Variants in CTNNA2 observed in about 807,000 individuals in gnomAD.
CTNNA2 encodes catenin alpha 2, also known as catenin alpha-2.
CTNNA2 carries 42 observed loss-of-function variants against 101.0 expected under a neutral mutation model. That is an observed-to-expected ratio of 0.42 (90% CI 0.32 to 0.54). The LOEUF (loss-of-function observed/expected upper bound fraction) is 0.54. Ranked by LOEUF, CTNNA2 falls within the 20% of genes least tolerant of loss-of-function variation. The pLI, the probability that CTNNA2 is intolerant of heterozygous loss-of-function variation, is 0.14. For missense variants in CTNNA2, 871 were observed against 1,223.1 expected (o/e 0.71, Z 4.29); for synonymous variants, 450 against 456.4 (o/e 0.99, Z 0.18).
chr2:80,262,990 G>C (rs949369876), intron 7 of CTNNA2, among the ~76,000 whole-genome samples: 8 of 151,798 alleles, frequency 5.3e-5, no homozygotes, highest in Non-Finnish European at 7.4e-5. Flanking sequence ...AAATTCTAAC[G>C]TGCCAGAACG....
rs10201508 is a variant in CTNNA2 at position 79,467,162 on chromosome 2, C to T, written c.-134-37892C>T. Reference sequence around the variant, plus strand: ...TAGATGAATGGCTAACTAGAATAACCAATGTAGAGAAGTCCTTAAAAGACC... The same window carrying T: ...TAGATGAATGGCTAACTAGAATAACTAATGTAGAGAAGTCCTTAAAAGACC... On this transcript the variant is annotated intron_variant, in intron 4 of 21. Transcript: ENST00000466387. Among the ~76,000 whole-genome samples, 166 of 152,212 alleles carry T rather than the reference C, an allele frequency of 1.1e-3. 2 individuals are homozygous for T. The highest frequency in any genetic ancestry group is 3.7e-3 in the African/African-American group (152 of 41,512).
chr2:79,724,597 G>T (rs1308617656), intron 2 of CTNNA2, among the ~76,000 whole-genome samples: 1 of 151,868 alleles, frequency 6.6e-6, no homozygotes. Context: ...GGTCGCATCA[G>T]GAGGTCAGGA....
chr2:79,823,318 G>A (rs1376668383), intron 3 of CTNNA2, among the ~76,000 whole-genome samples: 1 of 152,126 alleles, frequency 6.6e-6, no homozygotes, highest in Non-Finnish European at 1.5e-5. Flanking sequence ...ATGATAAAAA[G>A]GCTTTAGATT....
At chr2:79,519,097 C>T (rs576145282) in intron 1 of CTNNA2, among the ~76,000 whole-genome samples, 23 of 151,864 alleles carry the variant, frequency 1.5e-4, no homozygotes, top group Admixed American at 1.1e-3. Context: ...GGCATGGTGA[C>T]GGGCGACTGT....
intron 11 of CTNNA2, among the ~76,000 whole-genome samples, chr2:80,547,185 G>T (rs149120659): frequency 1.3e-5 from 2 of 152,160 alleles, no homozygotes; most frequent in African/African-American, 4.8e-5. Flanking sequence ...GAACTGTGTA[G>T]TCAAATCTGT....
At chr2:79,788,185 T>C (rs1294112736) in intron 3 of CTNNA2, among the ~76,000 whole-genome samples, 1 of 152,112 alleles carries the variant, frequency 6.6e-6, no homozygotes, top group Non-Finnish European at 1.5e-5. Context: ...TCCAAGCAGG[T>C]GAAGAACCTG....
At chr2:80,579,686 G>A (rs779159022) in intron 13 of CTNNA2, among the ~76,000 whole-genome samples, 5 of 152,206 alleles carry the variant, frequency 3.3e-5, no homozygotes, top group Admixed American at 6.5e-5. Flanking sequence ...TAATAAGGTT[G>A]ATGGTGAGAG....
At chr2:79,723,990 T>C (rs140923486) in intron 2 of CTNNA2, among the ~76,000 whole-genome samples, 46 of 152,268 alleles carry the variant, frequency 3.0e-4, no homozygotes, top group South Asian at 1.5e-3. Flanking sequence ...CTCTGACTCA[T>C]CATGACTTCA....
chr2:79,414,437 GCTCATACACACC>G (rs1553409830), intron 4 of CTNNA2, among the ~76,000 whole-genome samples: 1 of 151,818 alleles, frequency 6.6e-6, no homozygotes, highest in Non-Finnish European at 1.5e-5. Context: ...GTTATCAAAC[GCTCATACACACC>G]CTCACAAATA....
At chr2:80,640,539 C>T (rs1424949543) in intron 18 of CTNNA2, among the ~76,000 whole-genome samples, 3 of 152,100 alleles carry the variant, frequency 2.0e-5, no homozygotes, top group African/African-American at 7.2e-5. Context: ...TATTTATTAC[C>T]CTGGACTTTC....
intron 7 of CTNNA2, among the ~76,000 whole-genome samples, chr2:80,317,739 G>A (rs1678268558): frequency 1.3e-5 from 2 of 152,072 alleles, no homozygotes; most frequent in African/African-American, 2.4e-5. Flanking sequence ...GTATGTGGGA[G>A]TCTGGCTTCA....
chr2:79,278,065 G>T lies in CTNNA2; in HGVS notation c.-405-34644G>T, dbSNP rs567185851. On this transcript the variant is annotated intron_variant, in intron 2 of 21. Coordinates refer to the CTNNA2 transcript ENST00000466387. ...TTAAGGGTGGTGGAGGATGAAGGAAGGTAATTTTATAGAAGAAGTCTAGAA... is the reference window on the plus strand; with the variant it reads ...TTAAGGGTGGTGGAGGATGAAGGAATGTAATTTTATAGAAGAAGTCTAGAA... 1.1e-4 allele frequency among the ~76,000 whole-genome samples: 17 copies of T among 152,208 alleles called. 2 individuals carry two copies. The East Asian group carries it at 2.7e-3, about 24-fold the overall frequency.
intron 1 of CTNNA2, among the ~76,000 whole-genome samples, chr2:79,562,587 T>C (rs1674847756): frequency 6.6e-6 from 1 of 151,916 alleles, no homozygotes; most frequent in Non-Finnish European, 1.5e-5. Context: ...CTAGAAAAAA[T>C]AAAACATTAC....
chr2:79,710,002 A>G (rs922586512), intron 2 of CTNNA2, among the ~76,000 whole-genome samples: 3 of 152,126 alleles, frequency 2.0e-5, no homozygotes, highest in African/African-American at 4.8e-5. Flanking sequence ...GGCTGCTAAC[A>G]CTGGACTGGT....
At chr2:79,278,738 T>G (rs772160457) in intron 2 of CTNNA2, among the ~76,000 whole-genome samples, 7 of 152,130 alleles carry the variant, frequency 4.6e-5, no homozygotes, top group Non-Finnish European at 7.4e-5. Context: ...GAATTCCCTA[T>G]TCTAAGCTAA....
At chr2:79,621,738 T>C (rs367692986) in intron 1 of CTNNA2, among the ~76,000 whole-genome samples, 1 of 152,154 alleles carries the variant, frequency 6.6e-6, no homozygotes, top group African/African-American at 2.4e-5. Context: ...AGTAAGCTTA[T>C]AGTGGAGAAG....
chr2:79,835,882 C>T (rs765728355), intron 3 of CTNNA2, among the ~76,000 whole-genome samples: 7 of 151,946 alleles, frequency 4.6e-5, no homozygotes, highest in South Asian at 2.1e-4. Context: ...CCACCTGCCT[C>T]GGCATCCCAA....
chr2:79,569,409 T>C (rs745902480), intron 1 of CTNNA2, among the ~76,000 whole-genome samples: 31 of 152,132 alleles, frequency 2.0e-4, no homozygotes, highest in Non-Finnish European at 3.7e-4. Context: ...CGATGGAAGA[T>C]AGTAAATGCA....
chr2:79,365,419 T>C (rs1677723862), intron 3 of CTNNA2, among the ~76,000 whole-genome samples: 1 of 151,938 alleles, frequency 6.6e-6, no homozygotes, highest in African/African-American at 2.4e-5. Flanking sequence ...GCCCAGGAGT[T>C]TGAAACCAGC....
Sources: gnomAD v4.1 joint callset for allele counts (sites outside exome capture counted in the v4.1 genomes callset) on GRCh38, gnomAD v4.1.1 for gene constraint, MANE v1.5 for transcripts, NCBI Gene and HGNC (gene_info 2026-07-23, HGNC 2026-07-21) for gene names.